Variants in PRC1 observed in about 807,000 individuals in gnomAD.
The protein encoded by PRC1 is protein regulator of cytokinesis 1.
A neutral mutation model predicts 91.2 loss-of-function variants in PRC1; 54 were observed. That is an observed-to-expected ratio of 0.59 (90% confidence interval 0.48 to 0.74). The LOEUF (loss-of-function observed/expected upper bound fraction) is 0.74. Ranked by LOEUF, PRC1 falls within the 30% of genes least tolerant of loss-of-function variation. The pLI is 0.00. For missense variants in PRC1, 727 were observed against 746.2 expected (o/e 0.97, Z 0.30); for synonymous variants, 275 against 263.6 (o/e 1.04, Z -0.42).
chr15:90,994,491 C>T lies in PRC1; in HGVS notation c.-74G>A. 6.5e-7 allele frequency: 1 copy of T among 1,538,156 alleles called. No homozygotes were observed. The highest frequency in any genetic ancestry group is 1.2e-5 in the South Asian group (1 of 84,714). ...CGGCCCCGAGAGCAACAACCACCCG[C>T]AAACACCGGCGATGTCACTCCGCGT... On this transcript the variant is annotated 5_prime_UTR_variant, in exon 1 of 15. Coordinates refer to ENST00000394249, the MANE Select transcript of PRC1 (RefSeq NM_003981.4).
intron 1 of PRC1, among the ~76,000 whole-genome samples, chr15:90,989,515 G>A (rs1024271948): frequency 6.6e-6 from 1 of 150,738 alleles, no homozygotes; most frequent in African/African-American, 2.4e-5. Context: ...CAAAGTGTTG[G>A]GATAACAGAC....
At chr15:90,991,945 C>T (rs1437763949) in intron 1 of PRC1, among the ~76,000 whole-genome samples, 1 of 152,172 alleles carries the variant, frequency 6.6e-6, no homozygotes, top group Non-Finnish European at 1.5e-5. Flanking sequence ...CCTATGGAGC[C>T]CCATTCCATC....
rs1178288801 is a variant in PRC1, at chr15:90,994,395, C to G, written c.11+12G>C. The G allele has an allele frequency of 6.2e-7, 1 of 1,612,188 alleles. No homozygotes were observed. The highest frequency in any genetic ancestry group is 1.7e-5 in the Admixed American group (1 of 59,868). The stretch of plus-strand genomic sequence containing the variant: ...CCCTCCCGCGTCCCCTCGATTTCCC[C>G]GCAACCCGCACCTTCTCCTCATGGC... On this transcript the variant is annotated intron_variant, in intron 1 of 14. Transcript: ENST00000394249.
rs2151566817 is a variant in PRC1, at chr15:90,984,256, T to A, written c.145-116A>T. 1 of 1,378,828 alleles carries A rather than the reference T, an allele frequency of 7.3e-7. No homozygotes were observed. The highest frequency in any genetic ancestry group is 9.8e-7 in the Non-Finnish European group (1 of 1,016,366). 85.4% of individuals were successfully genotyped at this position (1,378,828 alleles called of 1,614,324 possible). ...TTTTCTTTTTTTCTTTGAGATGGAGTCTCGCTCTGTTGCCCAGGCTGGAGT... is the reference window on the plus strand; with the variant it reads ...TTTTCTTTTTTTCTTTGAGATGGAGACTCGCTCTGTTGCCCAGGCTGGAGT... On this transcript the variant is annotated intron_variant, in intron 2 of 14. Transcript: ENST00000394249. This position sits in a 1 kb window ranked among gnomAD's most constrained non-coding sequence, Gnocchi z 5.1.
chr15:90,979,203 A>G lies in PRC1; in HGVS notation c.1062T>C (p.Gly354=). Residue 354 remains glycine, a synonymous_variant, in exon 8 of 15, where the codon GGT becomes GGC. Coordinates refer to ENST00000394249, the MANE Select transcript of PRC1 (RefSeq NM_003981.4). The part of the protein sequence containing the change: ...YYEVHKELFE[G]VQKWEETWRL... The stretch of plus-strand genomic sequence containing the variant: ...TCCAGGTTTCTTCCCACTTCTGGAC[A>G]CCTTCAAAGAGTTCCTTGTGAACTT... The G allele has an allele frequency of 6.2e-7, 1 of 1,614,146 alleles. No individual in the cohort carries two copies. The highest frequency in any genetic ancestry group is 8.5e-7 in the Non-Finnish European group (1 of 1,180,028).
At chr15:90,978,365 G>A (rs568762712) in intron 8 of PRC1, among the ~76,000 whole-genome samples, 1 of 152,300 alleles carries the variant, frequency 6.6e-6, no homozygotes, top group South Asian at 2.1e-4. Context: ...GACAGAGCAT[G>A]TGAGCCACGG....
intron 11 of PRC1, chr15:90,973,006 T>C (rs2038298847): frequency 6.6e-6 from 1 of 152,312 alleles, no homozygotes; most frequent in African/African-American, 2.4e-5. Context: ...ACTCCGTGAC[T>C]GTCACTATAG....
rs745824692 is a variant in PRC1 at position 90,970,494 on chromosome 15, G to A, written c.1482C>T (p.Ser494=). 4 of 1,612,812 alleles carry A rather than the reference G, an allele frequency of 2.5e-6. No individual in the cohort carries two copies. Among genetic ancestry groups the A allele is most frequent in the Non-Finnish European group, 3.4e-6 (4 of 1,178,956 alleles). ...KARKLNTTTM[S]NATANSSIRP... is the part of the protein sequence containing the mutation. Reference sequence around the variant, plus strand: ...GAATGCTACTATTGGCCGTAGCATTGGACATGGTGGTAGTGTTCAGCTAGG... The same window carrying A: ...GAATGCTACTATTGGCCGTAGCATTAGACATGGTGGTAGTGTTCAGCTAGG... Residue 494 remains serine, a synonymous_variant, in exon 12 of 15, where the codon TCC becomes TCT. Coordinates refer to ENST00000394249, the MANE Select transcript of PRC1 (RefSeq NM_003981.4).
At chr15:90,978,455 T>A (rs1351271732) in intron 8 of PRC1, among the ~76,000 whole-genome samples, 1 of 152,012 alleles carries the variant, frequency 6.6e-6, no homozygotes, top group East Asian at 1.9e-4. Context: ...CCACACTGTA[T>A]GACATGTGCC....
At position 90,984,092 on chromosome 15, in the gene PRC1, G is replaced by A; in HGVS notation, c.193C>T (p.Leu65Phe). Reference sequence around the variant, plus strand: ...TGACAGACGGATATGCTTTTGATGAGTCTTTCCTTCAGGCTTTCCTCTTCA... The same window carrying A: ...TGACAGACGGATATGCTTTTGATGAATCTTTCCTTCAGGCTTTCCTCTTCA... ...IAEEESLKERLIKSISVCQKE... is the reference protein window; with the variant it reads ...IAEEESLKERFIKSISVCQKE... The change falls in exon 3 of 15, where the codon CTC becomes TTC. Residue 65 changes from leucine to phenylalanine, a missense_variant. Coordinates refer to ENST00000394249, the MANE Select transcript of PRC1 (RefSeq NM_003981.4). This position sits in a 1 kb window ranked among gnomAD's most constrained non-coding sequence, Gnocchi z 5.1. The A allele has an allele frequency of 6.2e-7, 1 of 1,614,100 alleles. No homozygotes were observed. The highest frequency in any genetic ancestry group is 1.3e-5 in the African/African-American group (1 of 75,038).
At position 90,969,584 on chromosome 15, in the gene PRC1, G is replaced by C. The variant is rs761737564; in HGVS notation, c.1612C>G (p.Arg538Gly). The change falls in exon 13 of 15, where the codon CGT becomes GGT. Residue 538 changes from arginine (R) to glycine (G), a missense_variant. By Grantham distance (125) the Arg-to-Gly change is moderately radical. Transcript: ENST00000394249. ...TTGTTGGCTCCATGCCTGCCAGTAC[G>C]GGGTGTTTTCTTCCCTGAACAGGTG... is the stretch of plus-strand genomic sequence containing the variant. The part of the protein sequence containing the change: ...ASTCSGKKTP[R>G]TGRHGANKEN... 5.0e-6 allele frequency: 8 copies of C among 1,612,800 alleles called. No homozygotes were observed. The highest frequency in any genetic ancestry group is 4.4e-5 in the South Asian group (4 of 90,982).
chr15:90,974,573 G>C lies in PRC1; in HGVS notation c.1350+12C>G. 1 of 1,614,060 alleles carries C rather than the reference G, an allele frequency of 6.2e-7. No homozygotes were observed. Among genetic ancestry groups the C allele is most frequent in the Non-Finnish European group, 8.5e-7 (1 of 1,180,028 alleles). ...TCGTCTTTTCCCAATTTGCGTTCAC[G>C]TTCACACTTACTCTTTCCTGCTTGG... On this transcript the variant is annotated intron_variant, in intron 10 of 14. Coordinates refer to ENST00000394249, the MANE Select transcript of PRC1 (RefSeq NM_003981.4). The surrounding 1 kb of genome is among the most constrained non-coding windows in gnomAD (Gnocchi z 4.6).
chr15:90,970,961 C>T (rs1415562760), intron 11 of PRC1, among the ~76,000 whole-genome samples: 1 of 152,124 alleles, frequency 6.6e-6, no homozygotes, highest in East Asian at 1.9e-4. Context: ...TATTGATCTA[C>T]AATAAAAAGG....
chr15:90,981,505 T>C lies in PRC1; in HGVS notation c.666A>G (p.Leu222=), dbSNP rs1233781388. 1.2e-6 allele frequency: 2 copies of C among 1,613,760 alleles called. No individual in the cohort carries two copies. The highest frequency in any genetic ancestry group is 1.7e-6 in the Non-Finnish European group (2 of 1,180,046). The change falls in exon 5 of 15, where the codon CTA becomes CTG. Residue 222 remains leucine, a synonymous_variant. Transcript: ENST00000394249. ...LENIATLQKL[L]RQLEMQKSQN... ...TAATTTGAGAAGACAGTACCTGCCG[T>C]AGCAACTTTTGTAGTGTTGCAATAT...
rs200550419 is a variant in PRC1, at chr15:90,974,584, C to T, written c.1350+1G>A. The T allele has an allele frequency of 6.2e-6, 10 of 1,614,074 alleles. No homozygotes were observed. The highest frequency in any genetic ancestry group is 1.3e-5 in the African/African-American group (1 of 74,932). Reference sequence around the variant, plus strand: ...CAATTTGCGTTCACGTTCACACTTACTCTTTCCTGCTTGGCTCTCTCTTTC... The same window carrying T: ...CAATTTGCGTTCACGTTCACACTTATTCTTTCCTGCTTGGCTCTCTCTTTC... On this transcript the variant is annotated splice_donor_variant, in intron 10 of 14. Coordinates refer to ENST00000394249, the MANE Select transcript of PRC1 (RefSeq NM_003981.4). LOFTEE classifies it high-confidence loss of function. The surrounding 1 kb of genome is among the most constrained non-coding windows in gnomAD (Gnocchi z 4.6).
At chr15:90,992,727 TGAAA>T (rs2040049855) in intron 1 of PRC1, among the ~76,000 whole-genome samples, 1 of 151,764 alleles carries the variant, frequency 6.6e-6, no homozygotes, top group Admixed American at 6.6e-5. Flanking sequence ...TTAGATTCAC[TGAAA>T]AAAATCAAGA....
Position 90,979,143 on chromosome 15 carries a change from A to G in PRC1, c.1107+15T>C, listed in dbSNP as rs374695757. On this transcript the variant is annotated intron_variant, in intron 8 of 14. Transcript: ENST00000394249. ...GCTTTCTTAACAGTTAAAAACACAAAAACTAGGACAATACCTCAAACTCTA... is the reference window on the plus strand; with the variant it reads ...GCTTTCTTAACAGTTAAAAACACAAGAACTAGGACAATACCTCAAACTCTA... 10 of 1,607,646 alleles carry G rather than the reference A, an allele frequency of 6.2e-6. No homozygotes were observed. In the African/African-American group the frequency reaches 1.2e-4, roughly 19 times the overall value.
Position 90,978,753 on chromosome 15 carries a change from C to CAAAAAAAAAAAAAAAAAAAAAAAA in PRC1, c.1107+381_1107+404dup, listed in dbSNP as rs869065052. On this transcript the variant is annotated intron_variant, in intron 8 of 14. Coordinates refer to ENST00000394249, the MANE Select transcript of PRC1 (RefSeq NM_003981.4). The stretch of plus-strand genomic sequence containing the variant: ...GGGCAACAAGAGCGAAACTCCACCT[C>CAAAAAAAAAAAAAAAAAAAAAAAA]AAAAAAAAAAAAAAAAAAAAAAAAA... 5.0e-5 allele frequency among the ~76,000 whole-genome samples: 2 copies of CAAAAAAAAAAAAAAAAAAAAAAAA among 39,708 alleles called. 1 individual carries two copies. The highest frequency in any genetic ancestry group is 2.0e-4 in the African/African-American group (2 of 9,924). The allele number at this position is 39,708 out of a possible 152,430, so 26.0% of individuals were successfully genotyped here.
At chr15:90,983,173 G>A (rs113939502) in intron 3 of PRC1, among the ~76,000 whole-genome samples, 1 of 152,084 alleles carries the variant, frequency 6.6e-6, no homozygotes, top group Non-Finnish European at 1.5e-5. Flanking sequence ...GTTCTCTTCT[G>A]CCTGATTGCT....
Sources: allele counts gnomAD v4.1 joint callset (sites outside exome capture counted in the v4.1 genomes callset), GRCh38; gene constraint gnomAD v4.1.1; non-coding constraint Gnocchi (gnomAD v3.1); transcripts MANE v1.5; gene names NCBI Gene and HGNC (gene_info 2026-07-23, HGNC 2026-07-21).